The following COPB2 variants were observed in gnomAD, a reference collection of about 807,000 sequenced individuals.
COPB2 encodes coatomer subunit beta'.
A neutral mutation model predicts 120.8 loss-of-function variants in COPB2; 16 were observed. That is an observed-to-expected ratio of 0.13 (90% CI 0.09 to 0.20). COPB2 has a LOEUF of 0.20. COPB2 is among the 10% of genes least tolerant of loss of function. The probability of loss-of-function intolerance (pLI) is 1.00; values close to 1 mark genes in which losing one functional copy is unlikely to be tolerated. For synonymous variants in COPB2, 332 were observed against 366.3 expected, an observed-to-expected ratio of 0.91 and a Z score of 1.07; for missense variants, 794 against 1,076.5, an observed-to-expected ratio of 0.74 and a Z score of 3.67.
intron 4 of COPB2, among the ~76,000 whole-genome samples, chr3:139,378,482 A>G (rs187913224): frequency 6.6e-6 from 1 of 152,234 alleles, no homozygotes; most frequent in African/African-American, 2.4e-5. Context: ...AAAGAGTAAT[A>G]TAAGTTTGAC....
chr3:139,372,068 T>C (rs1941633656), intron 9 of COPB2, among the ~76,000 whole-genome samples: 1 of 152,242 alleles, frequency 6.6e-6, no homozygotes, highest in Non-Finnish European at 1.5e-5. Flanking sequence ...GCTGAAATGT[T>C]ATTGGAATGG....
chr3:139,373,098 A>G, intron 9 of COPB2, 115 bp downstream of exon 9: 1 of 1,043,300 alleles, frequency 9.6e-7, no homozygotes, highest in East Asian at 2.4e-5. Flanking sequence ...GGCCAGGGCA[A>G]AAGCACATTG....
chr3:139,373,926 T>A, intron 7 of COPB2, 118 bp from the exon 8 acceptor site: 1 of 1,204,080 alleles, frequency 8.3e-7, no homozygotes, highest in Non-Finnish European at 1.1e-6. Flanking sequence ...CCTGGCAGCT[T>A]AATGACCAAT....
intron 10 of COPB2, 26 bp downstream of exon 10, chr3:139,371,697 C>T (rs755989195): frequency 6.3e-7 from 1 of 1,576,040 alleles, no homozygotes; most frequent in Non-Finnish European, 8.7e-7. Flanking sequence ...TCAGGGCATG[C>T]TGGCTATCAT....
chr3:139,358,624 T>C (rs1049408232), intron 20 of COPB2, 120 bp downstream of exon 20: 2 of 695,914 alleles, frequency 2.9e-6, no homozygotes, highest in African/African-American at 1.8e-5. Context: ...GAGCTTGCAG[T>C]GAGCCTAGAT....
At chr3:139,371,242 C>T (rs1048336681) in intron 10 of COPB2, among the ~76,000 whole-genome samples, 1 of 152,156 alleles carries the variant, frequency 6.6e-6, no homozygotes. Flanking sequence ...TAAGAATGGG[C>T]AGTGGGTACT....
At position 139,373,751 on chromosome 3, in the gene COPB2, C is replaced by T. The variant is rs1269974473; in HGVS notation, c.809G>A (p.Gly270Glu). 3.7e-6 allele frequency: 6 copies of T among 1,614,028 alleles called. No individual in the cohort carries two copies. Among genetic ancestry groups the T allele is most frequent in the Non-Finnish European group, 5.1e-6 (6 of 1,180,014 alleles). Residue 270 changes from glycine to glutamate, a missense_variant, in exon 8 of 22, where the codon GGA (glycine) becomes GAA (glutamate). Coordinates refer to ENST00000333188, the MANE Select transcript of COPB2 (RefSeq NM_004766.3). ...TYRLESTLNY[G>E]MERVWCVASL... is the part of the protein sequence containing the mutation. ...GGCCACGCACCATACCCTCTCCATT[C>T]CATAATTCAGTGTGCTCTCAAGCCG... is the stretch of plus-strand genomic sequence containing the variant.
chr3:139,383,255 C>A, intron 2 of COPB2, 43 bp downstream of exon 2: 1 of 1,596,862 alleles, frequency 6.3e-7, no homozygotes, highest in African/African-American at 1.3e-5. Context: ...AACACAGTCT[C>A]ACATAGTATT....
At position 139,369,373 on chromosome 3, in the gene COPB2, G is replaced by A. The variant is rs376000325; in HGVS notation, c.1295-6C>T. The A allele has an allele frequency of 6.2e-7, 1 of 1,611,398 alleles. No homozygotes were observed. Among genetic ancestry groups the A allele is most frequent in the Admixed American group, 1.7e-5 (1 of 59,534 alleles). Reference sequence around the variant, plus strand: ...TAAGAAGCCGCCGTAGATACCTAAAGGGAACATAAAAAGAGTTTTGCTTAG... The same window carrying A: ...TAAGAAGCCGCCGTAGATACCTAAAAGGAACATAAAAAGAGTTTTGCTTAG... On this transcript the variant is annotated splice_region_variant and splice_polypyrimidine_tract_variant and intron_variant, in intron 11 of 21. Transcript: ENST00000333188.
chr3:139,371,421 C>T (rs1426684721), intron 10 of COPB2, among the ~76,000 whole-genome samples: 1 of 152,178 alleles, frequency 6.6e-6, no homozygotes, highest in African/African-American at 2.4e-5. Context: ...TCTACTGTGC[C>T]TTAAGCCCAT....
chr3:139,364,215 A>T (rs1941475557), intron 15 of COPB2, among the ~76,000 whole-genome samples: 1 of 152,184 alleles, frequency 6.6e-6, no homozygotes, highest in Non-Finnish European at 1.5e-5. Context: ...TGTGATTTAC[A>T]CCCAGTGTGT....
chr3:139,365,022 A>C (rs1453127801), intron 15 of COPB2, among the ~76,000 whole-genome samples: 1 of 152,254 alleles, frequency 6.6e-6, no homozygotes, highest in Non-Finnish European at 1.5e-5. Context: ...ATAAACAATA[A>C]GATTTTAAAA....
Position 139,358,192 on chromosome 3 carries a change from T to C in COPB2, c.2625+8A>G. On this transcript the variant is annotated splice_region_variant and intron_variant, in intron 21 of 21. Coordinates refer to ENST00000333188, the MANE Select transcript of COPB2 (RefSeq NM_004766.3). ...TAGAGGGAGGTTTGAGTATGATGTC[T>C]GACCTACCTTTTCTTCTTTGTTGGC... The C allele has an allele frequency of 6.2e-7, 1 of 1,613,272 alleles. No homozygotes were observed.
intron 1 of COPB2, 82 bp from the exon 2 acceptor site, chr3:139,383,517 G>T (rs953056439): frequency 1.6e-6 from 2 of 1,272,094 alleles, no homozygotes; most frequent in Admixed American, 3.3e-5. Context: ...TGCATGAATA[G>T]GCCTACAAAA....
intron 17 of COPB2, among the ~76,000 whole-genome samples, chr3:139,359,705 C>G (rs1014173258): frequency 1.4e-4 from 22 of 152,142 alleles, no homozygotes; most frequent in African/African-American, 5.3e-4. Flanking sequence ...AGACAAATAT[C>G]TAGGGCAGTG....
In COPB2 at chr3:139,366,816, C is replaced by T. The variant is rs535814044; in HGVS notation, c.1677-41G>A. On this transcript the variant is annotated intron_variant, in intron 14 of 21. Transcript: ENST00000333188. ...AAACCAAGTTAGAAATTCAAATCTG[C>T]AATTACACAAACACACACCCCGCCA... 4.6e-5 allele frequency: 73 copies of T among 1,589,418 alleles called. 1 individual carries two copies. The South Asian group carries it at 7.7e-4, about 17-fold the overall frequency.
intron 2 of COPB2, chr3:139,382,946 T>G (rs1941840431): frequency 4.5e-6 from 1 of 222,560 alleles, no homozygotes; most frequent in Non-Finnish European, 8.9e-6. Flanking sequence ...AAAAATAAAT[T>G]TAACGATATC....
chr3:139,371,651 T>C, intron 10 of COPB2, 72 bp downstream of exon 10: 1 of 1,292,026 alleles, frequency 7.7e-7, no homozygotes, highest in Non-Finnish European at 1.1e-6. Flanking sequence ...ACATCAAGCC[T>C]TGAGAGTCTT....
rs1942017237 is a variant in COPB2, at chr3:139,389,639, T to C, written c.-89A>G. The C allele has an allele frequency of 7.4e-7, 1 of 1,347,160 alleles. No homozygotes were observed. The highest frequency in any genetic ancestry group is 1.4e-5 in the South Asian group (1 of 72,972). 83.5% of individuals were successfully genotyped at this position (1,347,160 alleles called of 1,614,324 possible). On this transcript the variant is annotated 5_prime_UTR_variant, in exon 1 of 22. Coordinates refer to ENST00000333188, the MANE Select transcript of COPB2 (RefSeq NM_004766.3). ...CCCACCGATCCACTGACCGTCAGAC[T>C]GACTGACGTGGAACTTCCGGGAGCC...
Sources: allele counts gnomAD v4.1 joint callset (sites outside exome capture counted in the v4.1 genomes callset), GRCh38; gene constraint gnomAD v4.1.1; transcripts MANE v1.5; gene names NCBI Gene and HGNC (gene_info 2026-07-23, HGNC 2026-07-21).